Variants in KCNK9 observed in about 807,000 individuals in gnomAD.
KCNK9 encodes potassium two pore domain channel subfamily K member 9.
In KCNK9, 1 loss-of-function variant was observed where a neutral mutation model predicts 10.8. That is an observed-to-expected ratio of 0.09 (90% confidence interval 0.03 to 0.44). KCNK9 has a LOEUF of 0.44. Ranked by LOEUF, KCNK9 falls within the 20% of genes least tolerant of loss-of-function variation. The probability of loss-of-function intolerance (pLI) is 0.97; values close to 1 mark genes in which losing one functional copy is unlikely to be tolerated. For missense variants in KCNK9, 303 were observed against 515.0 expected (o/e 0.59, Z 3.98); for synonymous variants, 231 against 222.7 (o/e 1.04, Z -0.33).
At chr8:139,619,259 GGGA>G (rs1184425874) in intron 1 of KCNK9, among the ~76,000 whole-genome samples, 160 bp from the exon 2 acceptor site, 3 of 152,190 alleles carry the variant, frequency 2.0e-5, no homozygotes, top group South Asian at 2.1e-4. Flanking sequence ...ATATATTGGA[GGGA>G]GGAGAACAAA....
intron 1 of KCNK9, among the ~76,000 whole-genome samples, chr8:139,627,378 T>C (rs1815010650): frequency 2.6e-5 from 4 of 152,186 alleles, no homozygotes. Flanking sequence ...GGCACTCTGA[T>C]GGTTTCAGCA....
At chr8:139,621,673 T>C (rs1329240399) in intron 1 of KCNK9, among the ~76,000 whole-genome samples, 1 of 152,234 alleles carries the variant, frequency 6.6e-6, no homozygotes, top group African/African-American at 2.4e-5. Flanking sequence ...ATAAGATTAC[T>C]GAAGGCTGCT....
At chr8:139,677,612 G>A (rs945901627) in intron 1 of KCNK9, among the ~76,000 whole-genome samples, 2 of 152,108 alleles carry the variant, frequency 1.3e-5, no homozygotes, top group Non-Finnish European at 2.9e-5. Flanking sequence ...CCCCACAGCT[G>A]CAGAGTAATA....
chr8:139,637,278 G>A (rs1046228669), intron 1 of KCNK9, among the ~76,000 whole-genome samples: 2 of 152,204 alleles, frequency 1.3e-5, no homozygotes, highest in African/African-American at 4.8e-5. Context: ...TTCCTTGGCA[G>A]AGACCGCAAG....
chr8:139,674,309 C>G (rs1816500858), intron 1 of KCNK9, among the ~76,000 whole-genome samples: 1 of 152,204 alleles, frequency 6.6e-6, no homozygotes. Context: ...GCTGCATGTA[C>G]AGCCGGAAGC....
rs1247895830 is a variant in KCNK9, at chr8:139,682,615, A to C, written c.283+20095T>G. ...GGGACAGGGCTGAGGGGTAATCAAG[A>C]GCTTAGATTTCAAGGGCCATGGTAA... On this transcript the variant is annotated intron_variant, in intron 1 of 1. Transcript: ENST00000520439. Among the ~76,000 whole-genome samples the C allele has an allele frequency of 2.0e-5, 3 of 152,126 alleles. No individual in the cohort carries two copies. In the East Asian group the frequency reaches 5.8e-4, roughly 29 times the overall value.
chr8:139,621,277 C>T (rs1335586375), intron 1 of KCNK9, among the ~76,000 whole-genome samples: 1 of 140,224 alleles, frequency 7.1e-6, no homozygotes. Context: ...GGTGACAGAG[C>T]GAGACTCCAT....
At chr8:139,700,508 ACG>A (rs1218216062) in intron 1 of KCNK9, among the ~76,000 whole-genome samples, 3,309 of 118,248 alleles carry the variant, frequency 0.028, 58 homozygotes, top group Non-Finnish European at 0.037. Flanking sequence ...ACACACACAC[ACG>A]CGCGCGCGCG....
At chr8:139,651,449 A>T (rs1332993875) in intron 1 of KCNK9, among the ~76,000 whole-genome samples, 2 of 152,128 alleles carry the variant, frequency 1.3e-5, no homozygotes, top group African/African-American at 2.4e-5. Flanking sequence ...CATCATTCAC[A>T]CCCAGGGTGC....
At chr8:139,672,125 C>T (rs935602715) in intron 1 of KCNK9, among the ~76,000 whole-genome samples, 1 of 152,266 alleles carries the variant, frequency 6.6e-6, no homozygotes, top group Admixed American at 6.5e-5. Context: ...CACCAAGGCT[C>T]GAGACCAGGT....
chr8:139,658,283 T>C (rs1816068657), intron 1 of KCNK9, among the ~76,000 whole-genome samples: 1 of 152,112 alleles, frequency 6.6e-6, no homozygotes, highest in Non-Finnish European at 1.5e-5. Flanking sequence ...AGGGACCACC[T>C]AGTGGATGCT....
At chr8:139,643,683 C>T (rs577416840) in intron 1 of KCNK9, among the ~76,000 whole-genome samples, 94 of 152,336 alleles carry the variant, frequency 6.2e-4, no homozygotes, top group Non-Finnish European at 1.1e-3. Flanking sequence ...TCTAACCACG[C>T]TGCTGGCAGC....
In KCNK9 at chr8:139,687,442, A is replaced by G. The variant is rs947970302; in HGVS notation, c.283+15268T>C. Reference sequence around the variant, plus strand: ...TGTGTATACATATATATTCATATATATGTATACACATATATATTCATATAT... The same window carrying G: ...TGTGTATACATATATATTCATATATGTGTATACACATATATATTCATATAT... On this transcript the variant is annotated intron_variant, in intron 1 of 1. Transcript: ENST00000520439. Among the ~76,000 whole-genome samples, 24 of 144,092 alleles carry G rather than the reference A, an allele frequency of 1.7e-4. 1 individual carries two copies. Among genetic ancestry groups the G allele is most frequent in the East Asian group, 1.2e-3 (6 of 4,988 alleles). The allele number at this position is 144,092 out of a possible 152,430, so 94.5% of individuals were successfully genotyped here. A position where few individuals can be genotyped will look rare whatever the true frequency, so the allele number is the denominator to read the frequency against.
intron 1 of KCNK9, among the ~76,000 whole-genome samples, chr8:139,694,190 G>A (rs1003848606): frequency 3.3e-5 from 5 of 152,110 alleles, no homozygotes; most frequent in African/African-American, 9.7e-5. Flanking sequence ...AAGTGGCAAG[G>A]GGAAGCTGAA....
chr8:139,690,870 T>C (rs1184059449), intron 1 of KCNK9, among the ~76,000 whole-genome samples: 2 of 152,308 alleles, frequency 1.3e-5, no homozygotes, highest in East Asian at 3.9e-4. Flanking sequence ...TGAAAGATGG[T>C]TGTGGATGGG....
In KCNK9 at chr8:139,618,943, C is replaced by A; in HGVS notation, c.440G>T (p.Cys147Phe). The stretch of plus-strand genomic sequence containing the variant: ...AGACACGTCAGTGTTGCGCATGCCA[C>A]AGCACTTCTTAATGCGCTTCAGCAG... ...RYLLKRIKKC[C>F]GMRNTDVSME... The change falls in exon 2 of 2, where the codon TGT becomes TTT. Residue 147 changes from cysteine (C) to phenylalanine (F), a missense_variant. Transcript: ENST00000520439. This position sits in a 1 kb window ranked among gnomAD's most constrained non-coding sequence, Gnocchi z 7.9. The A allele has an allele frequency of 6.2e-7, 1 of 1,614,220 alleles. No individual in the cohort carries two copies. The highest frequency in any genetic ancestry group is 1.1e-5 in the South Asian group (1 of 91,086).
rs150166265 is a variant in KCNK9 at position 139,626,360 on chromosome 8, C to A, written c.284-7261G>T. Among the ~76,000 whole-genome samples, 219 of 152,308 alleles carry A rather than the reference C, an allele frequency of 1.4e-3. 2 individuals are homozygous for A. Among genetic ancestry groups the A allele is most frequent in the African/African-American group, 4.2e-3 (175 of 41,566 alleles). ...ACCTCCTGCCTCTGCAGCATTACTACCCCCATTCCTTCCACTTGGGAATGC... is the reference window on the plus strand; with the variant it reads ...ACCTCCTGCCTCTGCAGCATTACTAACCCCATTCCTTCCACTTGGGAATGC... On this transcript the variant is annotated intron_variant, in intron 1 of 1. Transcript: ENST00000520439.
chr8:139,609,668 G>A (rs1231669359), downstream of KCNK9, among the ~76,000 whole-genome samples: 1 of 152,214 alleles, frequency 6.6e-6, no homozygotes, highest in Non-Finnish European at 1.5e-5. Flanking sequence ...GGTGAGGACG[G>A]GAGGTGAGCC....
At chr8:139,654,085 AG>A (rs1815947670) in intron 1 of KCNK9, among the ~76,000 whole-genome samples, 1 of 152,262 alleles carries the variant, frequency 6.6e-6, no homozygotes, top group South Asian at 2.1e-4. Context: ...CAATTGCCCC[AG>A]GAACAGAGCT....
Sources: allele counts gnomAD v4.1 joint callset (sites outside exome capture counted in the v4.1 genomes callset), GRCh38; gene constraint gnomAD v4.1.1; non-coding constraint Gnocchi (gnomAD v3.1); transcripts MANE v1.5; gene names NCBI Gene and HGNC (gene_info 2026-07-23, HGNC 2026-07-21).